TGFBR3L: variants seen among roughly 807,000 people sequenced by gnomAD.
TGFBR3L encodes the protein transforming growth factor-beta receptor type 3-like protein.
Under a neutral mutation model 20.4 loss-of-function variants are expected in TGFBR3L, and 21 were observed. The observed-to-expected ratio is 1.03, with a 90% CI of 0.73 to 1.48. The LOEUF (loss-of-function observed/expected upper bound fraction) is 1.48. TGFBR3L is among the 40% of genes most tolerant of loss of function. The probability of loss-of-function intolerance (pLI) is 0.00; values close to 1 mark genes in which losing one functional copy is unlikely to be tolerated. For synonymous variants in TGFBR3L, 245 were observed against 244.2 expected (o/e 1.00, Z -0.03); for missense variants, 479 against 498.0 (o/e 0.96, Z 0.36).
chr19:7,916,244 G>A lies in TGFBR3L; in HGVS notation c.-24G>A. The A allele has an allele frequency of 2.6e-6, 4 of 1,528,666 alleles. No homozygotes were observed. Among genetic ancestry groups the A allele is most frequent in the Non-Finnish European group, 3.5e-6 (4 of 1,142,518 alleles). 94.7% of individuals were successfully genotyped at this position (1,528,666 alleles called of 1,614,324 possible). ...CGCCAGGGGGCACATCACCGTCAGGGGGGAAAGTGGCGCGGAGCCCATCAT... is the reference window on the plus strand; with the variant it reads ...CGCCAGGGGGCACATCACCGTCAGGAGGGAAAGTGGCGCGGAGCCCATCAT... On this transcript the variant is annotated 5_prime_UTR_variant, in exon 1 of 6. Transcript: ENST00000565886.
rs1400513418 is a variant in TGFBR3L, at chr19:7,915,600, T to C, written c.-668T>C. Reference sequence around the variant, plus strand: ...GGGCAACATAGACCCCGTATGGCCGTGGTAGCGAGTGGCTGTGGTCATAGC... The same window carrying C: ...GGGCAACATAGACCCCGTATGGCCGCGGTAGCGAGTGGCTGTGGTCATAGC... On this transcript the variant is annotated 5_prime_UTR_variant, in exon 1 of 6. Transcript: ENST00000565886. Among the ~76,000 whole-genome samples the C allele has an allele frequency of 6.6e-6, 1 of 152,014 alleles. No homozygotes were observed. The highest frequency in any genetic ancestry group is 1.5e-5 in the Non-Finnish European group (1 of 67,984).
rs1568287255 is a variant in TGFBR3L, at chr19:7,918,918, G to A, written c.*7G>A. The A allele has an allele frequency of 2.5e-6, 1 of 398,666 alleles. No homozygotes were observed. Among genetic ancestry groups the A allele is most frequent in the South Asian group, 1.3e-4 (1 of 7,868 alleles). 24.7% of individuals were successfully genotyped at this position (398,666 alleles called of 1,614,324 possible). A position where few individuals can be genotyped will look rare whatever the true frequency, so the allele number is the denominator to read the frequency against. On this transcript the variant is annotated splice_region_variant and 3_prime_UTR_variant, in exon 6 of 6. Coordinates refer to ENST00000565886, the MANE Select transcript of TGFBR3L (RefSeq NM_001195259.2). ...CTGAGCCTCAGCCACCCCTCCCAGG[G>A]ATGGTGCGCCCCCAACATGGTCCGG...
rs760936774 is a variant in TGFBR3L, at chr19:7,916,683, C to T, written c.338C>T (p.Pro113Leu). Reference sequence around the variant, plus strand: ...GCCCTGCACCGCTGCTCAGTGACGCCGTCCTCACGCCCGGCCCCGGGGCCC... The same window carrying T: ...GCCCTGCACCGCTGCTCAGTGACGCTGTCCTCACGCCCGGCCCCGGGGCCC... Residue 113 changes from proline to leucine, a missense_variant, in exon 2 of 6, where the codon CCG (proline) becomes CTG (leucine). Transcript: ENST00000565886. 7.0e-7 allele frequency: 1 copy of T among 1,430,034 alleles called. No homozygotes were observed. The highest frequency in any genetic ancestry group is 1.4e-5 in the South Asian group (1 of 69,492). 88.6% of individuals were successfully genotyped at this position (1,430,034 alleles called of 1,614,324 possible). A position where few individuals can be genotyped will look rare whatever the true frequency, so the allele number is the denominator to read the frequency against.
rs1340733489 is a variant in TGFBR3L at position 7,917,867 on chromosome 19, C to A, written c.883+8C>A. ...TCGTCTGTGCGCACTCAGGTACCGA[C>A]GACCTCCGCCAAGCCGGGCCCCCAG... is the stretch of plus-strand genomic sequence containing the variant. On this transcript the variant is annotated splice_region_variant and intron_variant, in intron 4 of 5. Coordinates refer to ENST00000565886, the MANE Select transcript of TGFBR3L (RefSeq NM_001195259.2). The A allele has an allele frequency of 6.6e-6, 9 of 1,369,326 alleles. No homozygotes were observed. The highest frequency in any genetic ancestry group is 8.4e-6 in the Non-Finnish European group (9 of 1,068,506). The allele number at this position is 1,369,326 out of a possible 1,614,324, so 84.8% of individuals were successfully genotyped here.
At chr19:7,916,580 C>T in intron 1 of TGFBR3L, 37 bp downstream of exon 2, 1 of 1,438,960 alleles carries the variant, frequency 6.9e-7, no homozygotes, top group Non-Finnish European at 9.1e-7. Context: ...GGATGGGGGC[C>T]GGTGGGGACG....
intron 2 of TGFBR3L, chr19:7,917,154 G>A: frequency 1.1e-6 from 1 of 915,778 alleles, no homozygotes; most frequent in Admixed American, 4.0e-5. Context: ...ATCCTTCAGG[G>A]CTGGGGGTTG....
chr19:7,916,450 C>G lies in TGFBR3L; in HGVS notation c.183C>G (p.Pro61=). The change falls in exon 1 of 6, where the codon CCC becomes CCG. Residue 61 remains proline (P), a synonymous_variant. Coordinates refer to ENST00000565886, the MANE Select transcript of TGFBR3L (RefSeq NM_001195259.2). ...CGCCCGGCCCCTGGCTGCGCAGACC[C>G]CTCTTCAGCCTGAAGCTGTCCGACA... The G allele has an allele frequency of 1.3e-6, 2 of 1,534,338 alleles. No homozygotes were observed. The highest frequency in any genetic ancestry group is 1.2e-5 in the South Asian group (1 of 83,960).
chr19:7,916,100 G>A lies in TGFBR3L; in HGVS notation c.-168G>A. ...CTTCACCCAGCCGGACCCCACCATC[G>A]GGTGCTCCTCACCGCTTCTCTTCCG... On this transcript the variant is annotated 5_prime_UTR_variant, in exon 1 of 6. Transcript: ENST00000565886. 2 of 1,350,058 alleles carry A rather than the reference G, an allele frequency of 1.5e-6. No homozygotes were observed. Among genetic ancestry groups the A allele is most frequent in the Non-Finnish European group, 2.0e-6 (2 of 1,025,330 alleles). The allele number at this position is 1,350,058 out of a possible 1,614,324, so 83.6% of individuals were successfully genotyped here.
chr19:7,916,481 G>A lies in TGFBR3L; in HGVS notation c.214G>A (p.Asp72Asn). 2 of 1,527,172 alleles carry A rather than the reference G, an allele frequency of 1.3e-6. No individual in the cohort carries two copies. Among genetic ancestry groups the A allele is most frequent in the African/African-American group, 1.4e-5 (1 of 72,696 alleles). The allele number at this position is 1,527,172 out of a possible 1,614,324, so 94.6% of individuals were successfully genotyped here. The change falls in exon 1 of 6, where the codon GAC (aspartate) becomes AAC (asparagine). Residue 72 changes from aspartate (D) to asparagine (N), a missense_variant. By Grantham distance (23) the Asp-to-Asn change is conservative. Transcript: ENST00000565886. ...CAGCCTGAAGCTGTCCGACACAGAGGACGTCTTTCCTCGCCGCGCGGGGCC... is the reference window on the plus strand; with the variant it reads ...CAGCCTGAAGCTGTCCGACACAGAGAACGTCTTTCCTCGCCGCGCGGGGCC...
At chr19:7,917,248 G>A (rs1203253937) in intron 2 of TGFBR3L, among the ~76,000 whole-genome samples, 1 of 152,202 alleles carries the variant, frequency 6.6e-6, no homozygotes, top group Non-Finnish European at 1.5e-5. Flanking sequence ...CGCGGACCAT[G>A]CGATCTTGTG....
intron 2 of TGFBR3L, 138 bp from the exon 4 acceptor site, chr19:7,917,335 A>G: frequency 7.7e-7 from 1 of 1,305,654 alleles, no homozygotes; most frequent in Non-Finnish European, 1.0e-6. Flanking sequence ...GGGCACCCTA[A>G]GGGGCCGGAT....
Position 7,915,724 on chromosome 19 carries a change from G to A in TGFBR3L, c.-544G>A, listed in dbSNP as rs951933314. Among the ~76,000 whole-genome samples the A allele has an allele frequency of 6.6e-6, 1 of 152,198 alleles. No homozygotes were observed. The highest frequency in any genetic ancestry group is 1.5e-5 in the Non-Finnish European group (1 of 68,020). ...CTGCACTCCAGCCTGGGCGACAGAG[G>A]GAGACCCTGTCTCAGAAAACAAGAA... On this transcript the variant is annotated 5_prime_UTR_variant, in exon 1 of 6. Transcript: ENST00000565886.
At chr19:7,918,036 C>T (rs1324996835) in intron 4 of TGFBR3L, 21 bp from the exon 6 acceptor site, 25 of 1,531,208 alleles carry the variant, frequency 1.6e-5, no homozygotes, top group Non-Finnish European at 2.1e-5. Context: ...AGCCCTTCTG[C>T]AGCTCGCCTC....
chr19:7,916,247 G>T lies in TGFBR3L; in HGVS notation c.-21G>T. 6.5e-7 allele frequency: 1 copy of T among 1,529,150 alleles called. No homozygotes were observed. Among genetic ancestry groups the T allele is most frequent in the Non-Finnish European group, 8.8e-7 (1 of 1,142,746 alleles). 94.7% of individuals were successfully genotyped at this position (1,529,150 alleles called of 1,614,324 possible). ...CAGGGGGCACATCACCGTCAGGGGG[G>T]AAAGTGGCGCGGAGCCCATCATGGG... On this transcript the variant is annotated 5_prime_UTR_variant, in exon 1 of 6. Transcript: ENST00000565886.
intron 2 of TGFBR3L, 89 bp from the exon 4 acceptor site, chr19:7,917,384 C>G: frequency 6.9e-7 from 1 of 1,441,314 alleles, no homozygotes. Flanking sequence ...GAGAGCTGGA[C>G]TCAGGTCTCT....
rs764503438 is a variant in TGFBR3L at position 7,916,279 on chromosome 19, G to C, written c.12G>C (p.Ser4=). Reference sequence around the variant, plus strand: ...GCGCGGAGCCCATCATGGGTGAATCGGCCGCCGCAACCGCATCCCTTTTCC... The same window carrying C: ...GCGCGGAGCCCATCATGGGTGAATCCGCCGCCGCAACCGCATCCCTTTTCC... Residue 4 remains serine (S), a synonymous_variant, in exon 1 of 6, where the codon TCG becomes TCC. Transcript: ENST00000565886. The C allele has an allele frequency of 6.5e-7, 1 of 1,534,730 alleles. No homozygotes were observed. Among genetic ancestry groups the C allele is most frequent in the Non-Finnish European group, 8.7e-7 (1 of 1,146,304 alleles).
Position 7,916,448 on chromosome 19 carries a change from C to A in TGFBR3L, c.181C>A (p.Pro61Thr). 1 of 1,534,180 alleles carries A rather than the reference C, an allele frequency of 6.5e-7. No individual in the cohort carries two copies. Among genetic ancestry groups the A allele is most frequent in the Non-Finnish European group, 8.7e-7 (1 of 1,146,058 alleles). Residue 61 changes from proline to threonine, a missense_variant, in exon 1 of 6, where the codon CCC (proline) becomes ACC (threonine). Coordinates refer to ENST00000565886, the MANE Select transcript of TGFBR3L (RefSeq NM_001195259.2). Reference sequence around the variant, plus strand: ...GGCGCCCGGCCCCTGGCTGCGCAGACCCCTCTTCAGCCTGAAGCTGTCCGA... The same window carrying A: ...GGCGCCCGGCCCCTGGCTGCGCAGAACCCTCTTCAGCCTGAAGCTGTCCGA...
intron 5 of TGFBR3L, 59 bp from the exon 7 acceptor site, chr19:7,918,858 G>C (rs1412041858): frequency 5.0e-6 from 2 of 398,330 alleles, no homozygotes; most frequent in Non-Finnish European, 8.8e-6. Context: ...GGTCTGCTGG[G>C]AAGGGAGGTG....
chr19:7,917,961 G>C (rs1209599843), intron 4 of TGFBR3L, 96 bp from the exon 6 acceptor site: 1 of 1,462,024 alleles, frequency 6.8e-7, no homozygotes, highest in Non-Finnish European at 9.0e-7. Context: ...ACCCTAGCTA[G>C]GCCTGCCTCC....
Sources: gnomAD v4.1 joint callset for allele counts (sites outside exome capture counted in the v4.1 genomes callset) on GRCh38, gnomAD v4.1.1 for gene constraint, MANE v1.5 for transcripts, NCBI Gene and HGNC (gene_info 2026-07-23, HGNC 2026-07-21) for gene names.